The following NR6A1 variants were observed in gnomAD, a reference collection of about 807,000 sequenced individuals.
NR6A1 encodes the protein nuclear receptor subfamily 6 group A member 1.
NR6A1 carries 7 observed loss-of-function variants against 59.1 expected under a neutral mutation model. That is an observed-to-expected ratio of 0.12 (90% CI 0.07 to 0.22). The LOEUF is 0.22. Ranked by LOEUF, NR6A1 falls within the 10% of genes least tolerant of loss-of-function variation. The pLI is 1.00. For synonymous variants in NR6A1, 243 were observed against 236.1 expected (o/e 1.03, Z -0.27); for missense variants, 468 against 611.6 (o/e 0.77, Z 2.48).
intron 2 of NR6A1, among the ~76,000 whole-genome samples, chr9:124,674,113 T>C (rs556187773): frequency 2.0e-5 from 3 of 152,280 alleles, no homozygotes; most frequent in Non-Finnish European, 2.9e-5. Flanking sequence ...GTAATATAAG[T>C]AAACCACTTA....
intron 2 of NR6A1, among the ~76,000 whole-genome samples, chr9:124,673,039 G>A (rs1837842945): frequency 6.6e-6 from 1 of 152,096 alleles, no homozygotes. Flanking sequence ...AACTACAACT[G>A]AGCCAGGCGC....
rs376043415 is a variant in NR6A1 at position 124,644,868 on chromosome 9, G to T, written c.142+88440C>A. ...CCTGAGGCATCTACATACAACGACT[G>T]TACTTCAGATTTTCCAGGAATATTC... On this transcript the variant is annotated intron_variant, in intron 2 of 9. Coordinates refer to ENST00000487099, the MANE Select transcript of NR6A1 (RefSeq NM_033334.4). 5.3e-5 allele frequency among the ~76,000 whole-genome samples: 8 copies of T among 152,318 alleles called. 1 individual carries two copies. In the South Asian group the frequency reaches 1.5e-3, roughly 28 times the overall value.
chr9:124,525,036 A>G (rs1306969614), intron 8 of NR6A1, among the ~76,000 whole-genome samples, 163 bp from the exon 9 acceptor site: 1 of 152,160 alleles, frequency 6.6e-6, no homozygotes, highest in African/African-American at 2.4e-5. Context: ...AGTTCTACCT[A>G]AGGGAAGAGA....
intron 2 of NR6A1, among the ~76,000 whole-genome samples, chr9:124,585,604 G>A (rs1036785668): frequency 6.8e-5 from 10 of 146,764 alleles, no homozygotes; most frequent in African/African-American, 2.0e-4. Context: ...TGTAGAAGCC[G>A]CAGCAAGTTA....
At chr9:124,704,016 G>A (rs1420734219) in intron 2 of NR6A1, among the ~76,000 whole-genome samples, 1 of 152,092 alleles carries the variant, frequency 6.6e-6, no homozygotes, top group Admixed American at 6.5e-5. Context: ...CTGGGCCTAG[G>A]CTTCTCTTTG....
chr9:124,526,793 T>C lies in NR6A1; in HGVS notation c.1187A>G (p.Asn396Ser). The change falls in exon 8 of 10, where the codon AAC becomes AGC. Residue 396 changes from asparagine to serine, a missense_variant. This residue lies in a region of NR6A1 where 176 missense variants were observed against 264.0 expected (regional missense o/e 0.67). Transcript: ENST00000487099. ...NEEYACMKAI[N>S]FLNQDIRGLT... ...CAGCCACTCACCTTGATTTAGGAAG[T>C]TAATTGCTTTCATGCAAGCATACTC... The C allele has an allele frequency of 6.2e-7, 1 of 1,613,730 alleles. No homozygotes were observed. The highest frequency in any genetic ancestry group is 1.3e-5 in the African/African-American group (1 of 75,008).
intron 2 of NR6A1, chr9:124,598,810 T>A: frequency 1.2e-6 from 1 of 827,392 alleles, no homozygotes; most frequent in South Asian, 1.4e-5. Context: ...TTTTGCCGGA[T>A]CTTTTCTTTT....
intron 6 of NR6A1, among the ~76,000 whole-genome samples, chr9:124,536,565 A>T (rs1442217430): frequency 2.0e-5 from 3 of 152,060 alleles, no homozygotes; most frequent in African/African-American, 7.2e-5. Context: ...AGGCTGAGGC[A>T]GAGGCAGAAG....
chr9:124,645,546 AAG>A (rs1836905737), intron 2 of NR6A1, among the ~76,000 whole-genome samples: 1 of 152,232 alleles, frequency 6.6e-6, no homozygotes, highest in Non-Finnish European at 1.5e-5. Flanking sequence ...TATCAGGAGA[AAG>A]AGGGGCATTA....
intron 1 of NR6A1, among the ~76,000 whole-genome samples, chr9:124,748,674 C>T (rs1407877600): frequency 6.6e-6 from 1 of 150,696 alleles, no homozygotes; most frequent in East Asian, 2.0e-4. Flanking sequence ...TCCTGGCTAA[C>T]ACGGTGAAAC....
chr9:124,654,875 T>TACACACACACACACACACACAC (rs3983841), intron 2 of NR6A1, among the ~76,000 whole-genome samples: 63 of 123,910 alleles, frequency 5.1e-4, no homozygotes, highest in Non-Finnish European at 8.9e-4. Flanking sequence ...TTTTTTTTTG[T>TACACACACACACACACACACAC]ACACACACAC....
At chr9:124,619,328 A>G (rs1021619163) in intron 2 of NR6A1, among the ~76,000 whole-genome samples, 1 of 152,122 alleles carries the variant, frequency 6.6e-6, no homozygotes, top group East Asian at 1.9e-4. Context: ...CAGTGGCGCA[A>G]TCTTGGCTCA....
chr9:124,621,289 C>G (rs1414966899), intron 2 of NR6A1, among the ~76,000 whole-genome samples: 2 of 152,126 alleles, frequency 1.3e-5, no homozygotes, highest in Non-Finnish European at 2.9e-5. Context: ...TGCATAGATT[C>G]CCTGACACAA....
At chr9:124,737,927 C>A (rs1247869827) in intron 1 of NR6A1, among the ~76,000 whole-genome samples, 2 of 152,062 alleles carry the variant, frequency 1.3e-5, no homozygotes, top group African/African-American at 4.8e-5. Flanking sequence ...CTAGACCAGC[C>A]TGACCAACAT....
chr9:124,585,957 C>A (rs1374546603), intron 2 of NR6A1, among the ~76,000 whole-genome samples: 1 of 152,122 alleles, frequency 6.6e-6, no homozygotes, highest in Non-Finnish European at 1.5e-5. Flanking sequence ...CTGTTGAGAC[C>A]TACTGCTCAG....
At chr9:124,770,805 G>A (rs1173056461) in intron 1 of NR6A1, among the ~76,000 whole-genome samples, 3 of 151,526 alleles carry the variant, frequency 2.0e-5, no homozygotes, top group Non-Finnish European at 3.0e-5. Flanking sequence ...GCGCAGAAGG[G>A]AACAGGGACG....
At chr9:124,556,022 T>C (rs574438808) in intron 2 of NR6A1, among the ~76,000 whole-genome samples, 1 of 152,346 alleles carries the variant, frequency 6.6e-6, no homozygotes, top group Non-Finnish European at 1.5e-5. Context: ...GAGCCCTTAA[T>C]ATATGCCAAC....
intron 2 of NR6A1, among the ~76,000 whole-genome samples, chr9:124,681,046 T>A (rs1414512057): frequency 6.6e-6 from 1 of 152,208 alleles, no homozygotes; most frequent in Non-Finnish European, 1.5e-5. Flanking sequence ...AGTGATTTTA[T>A]TCAATCTTGA....
intron 2 of NR6A1, among the ~76,000 whole-genome samples, chr9:124,623,009 G>A (rs539624537): frequency 1.3e-5 from 2 of 152,266 alleles, no homozygotes; most frequent in South Asian, 4.2e-4. Flanking sequence ...GATGAACTCA[G>A]GGCCAGGCAA....
Sources: gnomAD v4.1 joint callset for allele counts (sites outside exome capture counted in the v4.1 genomes callset) on GRCh38, gnomAD v4.1.1 for gene constraint, gnomAD v4.1.1 regional missense constraint, MANE v1.5 for transcripts, NCBI Gene and HGNC (gene_info 2026-07-23, HGNC 2026-07-21) for gene names.